The following MGAT5B variants were observed in gnomAD, a reference collection of about 807,000 sequenced individuals.
MGAT5B encodes the protein alpha-1,6-mannosylglycoprotein 6-beta-N-acetylglucosaminyltransferase B.
In MGAT5B, 54 loss-of-function variants were observed where a neutral mutation model predicts 95.1. The observed-to-expected ratio is 0.57, with a 90% CI of 0.46 to 0.71. The LOEUF (loss-of-function observed/expected upper bound fraction) is 0.71. Ranked by LOEUF, MGAT5B falls within the 30% of genes least tolerant of loss-of-function variation. MGAT5B has a pLI of 0.00. For synonymous variants in MGAT5B, 464 were observed against 451.0 expected (o/e 1.03, Z -0.36); for missense variants, 935 against 1,088.6 (o/e 0.86, Z 1.99).
chr17:76,946,430 C>T lies in MGAT5B; in HGVS notation c.1903C>T (p.His635Tyr), dbSNP rs148706236. The change falls in exon 16 of 18, where the codon CAC becomes TAC. Residue 635 changes from histidine (H) to tyrosine (Y), a missense_variant. His to Tyr is a moderately conservative substitution (Grantham distance 83). This residue lies in a region of MGAT5B where 440 missense variants were observed against 523.6 expected (regional missense o/e 0.84). Coordinates refer to ENST00000569840, the MANE Select transcript of MGAT5B (RefSeq NM_001199172.2). ...CTGCGAGGGGATGCTGGAGCGGATC[C>T]ACGCCTACATCCAGCACCAGGTCAG... Reference protein sequence around the residue: ...YTCEGMLERIHAYIQHQDFCR... With the variant: ...YTCEGMLERIYAYIQHQDFCR... 7,954 of 1,601,246 alleles carry T rather than the reference C, an allele frequency of 5.0e-3. 27 individuals carry two copies. The highest frequency in any genetic ancestry group is 6.0e-3 in the Non-Finnish European group (6,987 of 1,173,278).
At chr17:76,897,709 C>CTT (rs1379876994) in intron 3 of MGAT5B, among the ~76,000 whole-genome samples, 1 of 92,994 alleles carries the variant, frequency 1.1e-5, no homozygotes, top group Non-Finnish European at 2.0e-5. Context: ...TTCTTTCTTT[C>CTT]TTTCTTTCTT....
chr17:76,893,215 A>C, intron 3 of MGAT5B, among the ~76,000 whole-genome samples: 1 of 150,964 alleles, frequency 6.6e-6, no homozygotes, highest in East Asian at 1.9e-4. Context: ...CTCCCTGATA[A>C]CCCCCCTCAG....
In MGAT5B at chr17:76,931,637, G is replaced by A. The variant is rs994955641; in HGVS notation, c.1292-1008G>A. 5.4e-5 allele frequency among the ~76,000 whole-genome samples: 7 copies of A among 130,670 alleles called. 1 individual carries two copies. The highest frequency in any genetic ancestry group is 4.0e-4 in the East Asian group (2 of 4,978). 85.7% of individuals were successfully genotyped at this position (130,670 alleles called of 152,430 possible). On this transcript the variant is annotated intron_variant, in intron 10 of 17. Transcript: ENST00000569840. ...AGGCAGAGCCTGGTGATTGTCGGGC[G>A]GACTTTGGCATATGGGGTTTTGTGC...
chr17:76,904,341 G>T lies in MGAT5B; in HGVS notation c.609G>T (p.Glu203Asp). The T allele has an allele frequency of 6.2e-7, 1 of 1,601,130 alleles. No individual in the cohort carries two copies. Among genetic ancestry groups the T allele is most frequent in the Non-Finnish European group, 8.5e-7 (1 of 1,174,134 alleles). Residue 203 changes from glutamate to aspartate, a missense_variant, in exon 6 of 18, where the codon GAG (glutamate) becomes GAT (aspartate). Physicochemically the swap from Glu to Asp is conservative, Grantham distance 45 (BLOSUM62 2). This residue lies in a region of MGAT5B where 243 missense variants were observed against 305.5 expected (regional missense o/e 0.80). Coordinates refer to ENST00000569840, the MANE Select transcript of MGAT5B (RefSeq NM_001199172.2). ...TECSFLIYLS[E>D]VEWFCPPLPW... ...GCTCCTTCCTCATCTACCTCAGTGA[G>T]GTCGAGTGGTTCTGCCCCCCGCTGC...
At chr17:76,894,894 A>AG (rs1968011606) in intron 3 of MGAT5B, among the ~76,000 whole-genome samples, 1 of 151,890 alleles carries the variant, frequency 6.6e-6, no homozygotes, top group African/African-American at 2.4e-5. Context: ...GCAAAAAAAA[A>AG]GAACAGATTT....
chr17:76,893,999 C>T (rs555430164), intron 3 of MGAT5B, among the ~76,000 whole-genome samples: 1 of 152,328 alleles, frequency 6.6e-6, no homozygotes, highest in South Asian at 2.1e-4. Flanking sequence ...CTTCCAGCAA[C>T]CCAGCGTGTC....
chr17:76,870,169 C>T lies in MGAT5B; in HGVS notation c.68+1072C>T, dbSNP rs1389014591. Among the ~76,000 whole-genome samples, 4 of 152,214 alleles carry T rather than the reference C, an allele frequency of 2.6e-5. No individual in the cohort carries two copies. Among genetic ancestry groups the T allele is most frequent in the Admixed American group, 6.5e-5 (1 of 15,286 alleles). On this transcript the variant is annotated intron_variant, in intron 1 of 17. Coordinates refer to ENST00000569840, the MANE Select transcript of MGAT5B (RefSeq NM_001199172.2). This position sits in a 1 kb window ranked among gnomAD's most constrained non-coding sequence, Gnocchi z 5.0. ...TCTCGGCCCAGCCCCACTGTGGTCC[C>T]CCTGCCGGCTCCAGACGGGGATGGG...
intron 8 of MGAT5B, among the ~76,000 whole-genome samples, chr17:76,922,209 C>A (rs146911608): frequency 0.016 from 2,371 of 152,274 alleles, 49 homozygotes; most frequent in African/African-American, 0.054. Flanking sequence ...GGAAGCCAGT[C>A]ATGTTCCTGG....
At position 76,946,445 on chromosome 17, in the gene MGAT5B, C is replaced by A. The variant is rs752788963; in HGVS notation, c.1918C>A (p.His640Asn). 3.8e-6 allele frequency: 6 copies of A among 1,588,878 alleles called. No homozygotes were observed. The South Asian group carries it at 6.9e-5, about 18-fold the overall frequency. Reference protein sequence around the residue: ...MLERIHAYIQHQDFCRAPDPA... With the variant: ...MLERIHAYIQNQDFCRAPDPA... ...GGAGCGGATCCACGCCTACATCCAG[C>A]ACCAGGTCAGTGAGCCCTCTGGTCC... The change falls in exon 16 of 18, where the codon CAC (histidine) becomes AAC (asparagine). Residue 640 changes from histidine to asparagine, a missense_variant. By Grantham distance (68) the His-to-Asn change is moderately conservative. Coordinates refer to ENST00000569840, the MANE Select transcript of MGAT5B (RefSeq NM_001199172.2).
chr17:76,874,250 G>T (rs1967104975), intron 2 of MGAT5B, among the ~76,000 whole-genome samples: 7 of 152,148 alleles, frequency 4.6e-5, no homozygotes, highest in Admixed American at 4.6e-4. Context: ...GCAAGGGAAG[G>T]GGCCTCAGCA....
intron 3 of MGAT5B, among the ~76,000 whole-genome samples, chr17:76,894,893 A>G (rs1409917768): frequency 2.0e-5 from 3 of 151,964 alleles, no homozygotes; most frequent in Non-Finnish European, 2.9e-5. Context: ...GGCAAAAAAA[A>G]AGAACAGATT....
chr17:76,869,235 C>G lies in MGAT5B; in HGVS notation c.68+138C>G. On this transcript the variant is annotated intron_variant, in intron 1 of 17. Transcript: ENST00000569840. This position sits in a 1 kb window ranked among gnomAD's most constrained non-coding sequence, Gnocchi z 7.0. ...CAACCCCTGGTGATGACCAGTGGGG[C>G]TGGGCTGGGGGAACGGATGGCGTTG... The G allele has an allele frequency of 1.4e-6, 1 of 717,344 alleles. No homozygotes were observed. Among genetic ancestry groups the G allele is most frequent in the Non-Finnish European group, 2.5e-6 (1 of 408,124 alleles). The allele number at this position is 717,344 out of a possible 1,614,324, so 44.4% of individuals were successfully genotyped here.
intron 3 of MGAT5B, among the ~76,000 whole-genome samples, chr17:76,893,249 G>C (rs115881449): frequency 6.6e-6 from 1 of 152,050 alleles, no homozygotes. Context: ...CTGGGCCTGC[G>C]TTTGGTTCAT....
intron 3 of MGAT5B, among the ~76,000 whole-genome samples, chr17:76,893,951 C>A (rs4788952): frequency 0.18 from 27,800 of 152,122 alleles, 3,003 homozygotes; most frequent in East Asian, 0.35. Flanking sequence ...CCTGTTGGCA[C>A]CACCTTCCCG....
At chr17:76,877,677 G>A (rs1290134042) in intron 2 of MGAT5B, among the ~76,000 whole-genome samples, 3 of 152,340 alleles carry the variant, frequency 2.0e-5, no homozygotes, top group African/African-American at 7.2e-5. Context: ...GGTTTCTGCG[G>A]TGAGCGAGTA....
At chr17:76,910,010 C>T (rs1968672799) in intron 8 of MGAT5B, among the ~76,000 whole-genome samples, 2 of 152,096 alleles carry the variant, frequency 1.3e-5, no homozygotes, top group African/African-American at 4.8e-5. Flanking sequence ...CTGTCCAAGT[C>T]GGGGGCGGGC....
At chr17:76,874,128 C>T (rs571435774) in intron 2 of MGAT5B, among the ~76,000 whole-genome samples, 5 of 152,184 alleles carry the variant, frequency 3.3e-5, no homozygotes, top group East Asian at 1.9e-4. Context: ...TAATTTATCC[C>T]GTCTCTGACT....
At position 76,940,791 on chromosome 17, in the gene MGAT5B, C is replaced by T. The variant is rs772018054; in HGVS notation, c.1791C>T (p.Val597=). The change falls in exon 15 of 18, where the codon GTC becomes GTT. Residue 597 remains valine, a synonymous_variant. Coordinates refer to ENST00000569840, the MANE Select transcript of MGAT5B (RefSeq NM_001199172.2). This position sits in a 1 kb window ranked among gnomAD's most constrained non-coding sequence, Gnocchi z 4.3. The stretch of plus-strand genomic sequence containing the variant: ...TCGGCAAGCCCCACGTGTGGACAGT[C>T]GACTACAACAACTCAGAGGAGTTTG... ...NFIGKPHVWT[V]DYNNSEEFEA... The T allele has an allele frequency of 6.8e-6, 11 of 1,613,994 alleles. No individual in the cohort carries two copies. Among genetic ancestry groups the T allele is most frequent in the African/African-American group, 4.0e-5 (3 of 74,906 alleles).
In MGAT5B at chr17:76,933,677, A is replaced by G. The variant is rs565378862; in HGVS notation, c.1428+380A>G. Among the ~76,000 whole-genome samples, 18 of 152,334 alleles carry G rather than the reference A, an allele frequency of 1.2e-4. No homozygotes were observed. The South Asian group carries it at 3.3e-3, about 28-fold the overall frequency. On this transcript the variant is annotated intron_variant, in intron 12 of 17. Transcript: ENST00000569840. The stretch of plus-strand genomic sequence containing the variant: ...CTGTATCCTACATCAGGCCTGTTAC[A>G]TGATTATTGGATTTAATCACTCTCC...
Sources: allele counts gnomAD v4.1 joint callset (sites outside exome capture counted in the v4.1 genomes callset), GRCh38; gene constraint gnomAD v4.1.1; regional missense constraint gnomAD v4.1.1; non-coding constraint Gnocchi (gnomAD v3.1); transcripts MANE v1.5; gene names NCBI Gene and HGNC (gene_info 2026-07-23, HGNC 2026-07-21).